The following DCDC1 variants were observed in gnomAD, a reference collection of about 807,000 sequenced individuals.
DCDC1 encodes doublecortin domain containing 1.
In DCDC1, 200 loss-of-function variants were observed where a neutral mutation model predicts 178.3. That is an observed-to-expected ratio of 1.12 (90% CI 1.00 to 1.26). The LOEUF (loss-of-function observed/expected upper bound fraction) is 1.26, where lower values mean the gene tolerates loss of function less well. Ranked by LOEUF, DCDC1 falls within the 50% of genes most tolerant of loss-of-function variation. The pLI is 0.00. For missense variants in DCDC1, 1,983 were observed against 1,749.2 expected (o/e 1.13, Z -2.38); for synonymous variants, 690 against 604.8 (o/e 1.14, Z -2.07).
chr11:31,321,592 G>C (rs1949359499), intron 3 of DCDC1, among the ~76,000 whole-genome samples: 1 of 152,074 alleles, frequency 6.6e-6, no homozygotes, highest in Non-Finnish European at 1.5e-5. Context: ...ACCTCAGATG[G>C]AAATGCAGAA....
chr11:30,972,804 A>G (rs550747942), intron 20 of DCDC1, among the ~76,000 whole-genome samples: 2 of 152,328 alleles, frequency 1.3e-5, no homozygotes, highest in East Asian at 3.9e-4. Context: ...TGTGGCTGAT[A>G]TGGTTTGGAT....
chr11:31,069,723 T>C (rs1009175829), intron 18 of DCDC1, among the ~76,000 whole-genome samples: 7 of 152,228 alleles, frequency 4.6e-5, no homozygotes, highest in African/African-American at 1.7e-4. Context: ...CTTCATGTTA[T>C]AGTAGCTTCA....
At chr11:31,166,962 T>C (rs1205640113) in intron 9 of DCDC1, among the ~76,000 whole-genome samples, 1 of 152,138 alleles carries the variant, frequency 6.6e-6, no homozygotes, top group African/African-American at 2.4e-5. Flanking sequence ...ATATCCTTGG[T>C]ACCCCGAACT....
chr11:31,068,977 G>A (rs1009238225), intron 18 of DCDC1, among the ~76,000 whole-genome samples: 19 of 151,394 alleles, frequency 1.3e-4, no homozygotes, highest in Non-Finnish European at 1.5e-4. Context: ...TCAGCCTCCC[G>A]AGTAGCTGGG....
Position 30,970,209 on chromosome 11 carries a change from A to T in DCDC1, c.2592-17641T>A, listed in dbSNP as rs564890233. Among the ~76,000 whole-genome samples the T allele has an allele frequency of 2.0e-5, 3 of 152,260 alleles. 1 individual carries two copies. In the South Asian group the frequency reaches 6.2e-4, roughly 32 times the overall value. On this transcript the variant is annotated intron_variant, in intron 20 of 38. Transcript: ENST00000684477. ...TGCCTCAACCCTCGCAGGTCCTGAA[A>T]CTAACATAGTGAGATGCCTGGAGGC...
At chr11:30,894,600 A>G (rs932643541) in intron 34 of DCDC1, among the ~76,000 whole-genome samples, 1 of 152,210 alleles carries the variant, frequency 6.6e-6, no homozygotes, top group Non-Finnish European at 1.5e-5. Context: ...ATTCATATAC[A>G]TACTCTACAG....
chr11:31,040,218 C>T (rs544012366), intron 20 of DCDC1, among the ~76,000 whole-genome samples: 1 of 152,266 alleles, frequency 6.6e-6, no homozygotes, highest in African/African-American at 2.4e-5. Flanking sequence ...GTTATAAATA[C>T]TAAGTGTCTT....
intron 9 of DCDC1, among the ~76,000 whole-genome samples, chr11:31,227,957 A>G (rs1291302635): frequency 1.3e-5 from 2 of 152,092 alleles, no homozygotes; most frequent in Non-Finnish European, 2.9e-5. Context: ...AATAAAATAT[A>G]GCAATCTTAA....
rs1199719353 is a variant in DCDC1 at position 30,929,932 on chromosome 11, A to G, written c.2897+1839T>C. Reference sequence around the variant, plus strand: ...ATTTGATTTTCCTTAGGCTTTGTAGATGAAAGAACCAATAACAACAACAAA... The same window carrying G: ...ATTTGATTTTCCTTAGGCTTTGTAGGTGAAAGAACCAATAACAACAACAAA... On this transcript the variant is annotated intron_variant, in intron 22 of 38. Transcript: ENST00000684477. 2.0e-5 allele frequency among the ~76,000 whole-genome samples: 3 copies of G among 152,098 alleles called. No homozygotes were observed. In the East Asian group the frequency reaches 5.8e-4, roughly 29 times the overall value.
intron 1 of DCDC1, among the ~76,000 whole-genome samples, chr11:31,342,141 G>A (rs948123312): frequency 4.6e-5 from 7 of 152,122 alleles, no homozygotes; most frequent in Non-Finnish European, 1.0e-4. Flanking sequence ...CCTTTTGAAC[G>A]ACAGTTAACA....
intron 20 of DCDC1, among the ~76,000 whole-genome samples, chr11:31,013,050 G>A (rs1952267728): frequency 6.6e-6 from 1 of 152,002 alleles, no homozygotes; most frequent in Non-Finnish European, 1.5e-5. Context: ...TATTAAAGCT[G>A]GTTAGTCAGT....
chr11:31,073,654 G>A (rs1956701047), intron 18 of DCDC1, among the ~76,000 whole-genome samples: 1 of 152,130 alleles, frequency 6.6e-6, no homozygotes, highest in Non-Finnish European at 1.5e-5. Flanking sequence ...TCAGGAATAT[G>A]GTAAAGATTA....
At chr11:31,243,304 C>T (rs1013753590) in intron 8 of DCDC1, among the ~76,000 whole-genome samples, 1 of 151,666 alleles carries the variant, frequency 6.6e-6, no homozygotes, top group African/African-American at 2.4e-5. Flanking sequence ...GCTACACATT[C>T]ATATATTACT....
chr11:30,938,991 T>A (rs1211900892), intron 21 of DCDC1, among the ~76,000 whole-genome samples: 3 of 152,160 alleles, frequency 2.0e-5, no homozygotes, highest in Admixed American at 2.0e-4. Flanking sequence ...TCAACTGCTT[T>A]GTCTGTCTCC....
chr11:30,976,868 A>C (rs1950132609), intron 20 of DCDC1, among the ~76,000 whole-genome samples: 2 of 152,184 alleles, frequency 1.3e-5, no homozygotes, highest in South Asian at 4.1e-4. Flanking sequence ...GTATATCAAA[A>C]GGATACCTAC....
At chr11:30,865,828 A>C (rs1940930315) in intron 38 of DCDC1, among the ~76,000 whole-genome samples, 2 of 152,098 alleles carry the variant, frequency 1.3e-5, no homozygotes, top group African/African-American at 4.8e-5. Flanking sequence ...TAAAAGAGAG[A>C]GGCATGTCAT....
chr11:31,331,943 C>A (rs1415317313), intron 2 of DCDC1, among the ~76,000 whole-genome samples: 1 of 152,096 alleles, frequency 6.6e-6, no homozygotes, highest in Non-Finnish European at 1.5e-5. Flanking sequence ...GGAATAGTTT[C>A]AGAAGAAATG....
chr11:30,935,625 C>G (rs1032899518), intron 21 of DCDC1, among the ~76,000 whole-genome samples: 1 of 151,832 alleles, frequency 6.6e-6, no homozygotes, highest in Non-Finnish European at 1.5e-5. Flanking sequence ...GCAATCTCAG[C>G]TCACTGCAAC....
At chr11:31,172,897 C>T (rs1038712425) in intron 9 of DCDC1, among the ~76,000 whole-genome samples, 2 of 151,924 alleles carry the variant, frequency 1.3e-5, no homozygotes, top group Admixed American at 6.6e-5. Context: ...GTTCAAGGAT[C>T]GACTGTAGTT....
Sources: allele counts gnomAD v4.1 joint callset (sites outside exome capture counted in the v4.1 genomes callset), GRCh38; gene constraint gnomAD v4.1.1; transcripts MANE v1.5; gene names NCBI Gene and HGNC (gene_info 2026-07-23, HGNC 2026-07-21).